Variants in GPC6 observed in about 807,000 individuals in gnomAD.
The protein encoded by GPC6 is glypican-6.
GPC6 carries 14 observed loss-of-function variants against 55.2 expected under a neutral mutation model. The observed-to-expected ratio is 0.25, with a 90% CI of 0.17 to 0.40. The LOEUF is 0.40. Ranked by LOEUF, GPC6 falls within the 10% of genes least tolerant of loss-of-function variation. The probability of loss-of-function intolerance (pLI) is 1.00; values close to 1 mark genes in which losing one functional copy is unlikely to be tolerated. For synonymous variants in GPC6, 278 were observed against 259.6 expected (o/e 1.07, Z -0.68); for missense variants, 641 against 708.5 (o/e 0.90, Z 1.08).
At chr13:94,349,871 T>C (rs1878454906) in intron 6 of GPC6, among the ~76,000 whole-genome samples, 1 of 152,110 alleles carries the variant, frequency 6.6e-6, no homozygotes, top group Non-Finnish European at 1.5e-5. Context: ...TTACCTCCAC[T>C]AGGTGTTAAG....
At chr13:94,024,456 A>C (rs1440502190) in intron 3 of GPC6, among the ~76,000 whole-genome samples, 1 of 152,104 alleles carries the variant, frequency 6.6e-6, no homozygotes, top group Non-Finnish European at 1.5e-5. Context: ...TTCAGTTTGA[A>C]GTGATGATTT....
intron 1 of GPC6, among the ~76,000 whole-genome samples, chr13:93,524,309 T>C (rs900852815): frequency 6.6e-6 from 1 of 151,982 alleles, no homozygotes; most frequent in African/African-American, 2.4e-5. Context: ...AACAGGAGTA[T>C]GCTTCCTAAG....
At chr13:93,254,762 A>G (rs1349871849) in intron 1 of GPC6, among the ~76,000 whole-genome samples, 2 of 152,210 alleles carry the variant, frequency 1.3e-5, no homozygotes, top group South Asian at 2.1e-4. Context: ...AGAAAAATTC[A>G]TCCTTTAAAT....
intron 1 of GPC6, among the ~76,000 whole-genome samples, chr13:93,479,749 C>T (rs1021297484): frequency 6.6e-6 from 1 of 152,030 alleles, no homozygotes; most frequent in Non-Finnish European, 1.5e-5. Flanking sequence ...GATCACTTGC[C>T]GTCAGCAATG....
chr13:94,382,282 C>G (rs966937797), intron 6 of GPC6, 132 bp from the exon 7 acceptor site: 178 of 923,452 alleles, frequency 1.9e-4, no homozygotes, highest in Non-Finnish European at 2.8e-4. Context: ...CAGTGTCTCT[C>G]TCTTAAAACT....
At chr13:93,535,687 A>G (rs78771033) in intron 1 of GPC6, among the ~76,000 whole-genome samples, 2 of 151,080 alleles carry the variant, frequency 1.3e-5, no homozygotes, top group African/African-American at 4.9e-5. Flanking sequence ...TTTTTAGGAA[A>G]AAAAAAAAAA....
intron 2 of GPC6, among the ~76,000 whole-genome samples, chr13:93,576,133 C>T (rs1247950708): frequency 6.6e-6 from 1 of 151,956 alleles, no homozygotes; most frequent in Non-Finnish European, 1.5e-5. Flanking sequence ...ATTGTCTCTT[C>T]TATTTGTTAT....
Position 93,363,351 on chromosome 13 carries a change from T to C in GPC6, c.160+135735T>C, listed in dbSNP as rs529550450. Among the ~76,000 whole-genome samples the C allele has an allele frequency of 5.3e-5, 8 of 151,406 alleles. No homozygotes were observed. In the South Asian group the frequency reaches 1.7e-3, roughly 32 times the overall value. Reference sequence around the variant, plus strand: ...TTCCTGTGTCCATGTGTTCTCATTGTTCAATTCCCACCTATGAGTGAGAAT... The same window carrying C: ...TTCCTGTGTCCATGTGTTCTCATTGCTCAATTCCCACCTATGAGTGAGAAT... On this transcript the variant is annotated intron_variant, in intron 1 of 8. Coordinates refer to ENST00000377047, the MANE Select transcript of GPC6 (RefSeq NM_005708.5).
At chr13:93,942,926 G>A (rs897820610) in intron 3 of GPC6, among the ~76,000 whole-genome samples, 1 of 152,028 alleles carries the variant, frequency 6.6e-6, no homozygotes, top group East Asian at 1.9e-4. Flanking sequence ...AGTTGGGATG[G>A]CCTTGCTCCA....
chr13:93,837,964 A>G (rs1887802527), intron 3 of GPC6, among the ~76,000 whole-genome samples: 2 of 152,214 alleles, frequency 1.3e-5, no homozygotes. Context: ...GTACAAAGCA[A>G]TGATTTGCAG....
intron 4 of GPC6, among the ~76,000 whole-genome samples, chr13:94,194,897 G>C (rs1163294223): frequency 6.6e-6 from 1 of 151,958 alleles, no homozygotes; most frequent in Non-Finnish European, 1.5e-5. Context: ...ATCTGTAGAT[G>C]AGTATATTTA....
chr13:93,698,451 T>C (rs1188638010), intron 2 of GPC6, among the ~76,000 whole-genome samples: 1 of 151,552 alleles, frequency 6.6e-6, no homozygotes, highest in African/African-American at 2.4e-5. Flanking sequence ...ATTTTTATTT[T>C]TGTTTGTTTT....
intron 1 of GPC6, among the ~76,000 whole-genome samples, chr13:93,482,453 C>T (rs1454407283): frequency 6.6e-6 from 1 of 152,068 alleles, no homozygotes; most frequent in Non-Finnish European, 1.5e-5. Flanking sequence ...GTTGTTTCTC[C>T]TATATTTTAC....
At chr13:93,879,956 AT>A (rs1874855025) in intron 3 of GPC6, among the ~76,000 whole-genome samples, 1 of 149,446 alleles carries the variant, frequency 6.7e-6, no homozygotes, top group South Asian at 2.1e-4. Flanking sequence ...CAAAAAACAC[AT>A]GAAAAAATGC....
At position 93,418,754 on chromosome 13, in the gene GPC6, C is replaced by T. The variant is rs147951096; in HGVS notation, c.161-126509C>T. Among the ~76,000 whole-genome samples, 120 of 148,958 alleles carry T rather than the reference C, an allele frequency of 8.1e-4. 2 individuals are homozygous for T. Among genetic ancestry groups the T allele is most frequent in the African/African-American group, 2.6e-3 (103 of 39,322 alleles). On this transcript the variant is annotated intron_variant, in intron 1 of 8. Transcript: ENST00000377047. ...TGTCATTTTATTAATGGCACTATAC[C>T]GTAGCATCACTTTATTAATGGCACT... is the stretch of plus-strand genomic sequence containing the variant.
intron 1 of GPC6, among the ~76,000 whole-genome samples, chr13:93,543,591 A>G (rs1056411685): frequency 3.9e-5 from 6 of 152,134 alleles, no homozygotes; most frequent in Non-Finnish European, 8.8e-5. Flanking sequence ...ATAGTTTCAG[A>G]AGGAATGGTA....
intron 6 of GPC6, among the ~76,000 whole-genome samples, chr13:94,335,674 C>G (rs1204133646): frequency 1.3e-5 from 2 of 152,096 alleles, no homozygotes; most frequent in Non-Finnish European, 2.9e-5. Context: ...AGAAGAAAAC[C>G]AAGACACTTT....
Position 93,538,758 on chromosome 13 carries a change from T to C in GPC6, c.161-6505T>C, listed in dbSNP as rs878869946. 2.0e-5 allele frequency among the ~76,000 whole-genome samples: 3 copies of C among 152,278 alleles called. 1 individual carries two copies. Among genetic ancestry groups the C allele is most frequent in the Admixed American group, 2.0e-4 (3 of 15,296 alleles). ...TCTGGGTGATATTCACAAAACCCTGTATTGGGTACTCTACTGATGAATTTA... is the reference window on the plus strand; with the variant it reads ...TCTGGGTGATATTCACAAAACCCTGCATTGGGTACTCTACTGATGAATTTA... On this transcript the variant is annotated intron_variant, in intron 1 of 8. Transcript: ENST00000377047.
At chr13:93,824,606 A>G (rs184343325) in intron 2 of GPC6, among the ~76,000 whole-genome samples, 34 of 152,258 alleles carry the variant, frequency 2.2e-4, no homozygotes, top group African/African-American at 6.7e-4. Context: ...TTTTTAAACA[A>G]AGGCACAATA....
Sources: allele counts gnomAD v4.1 joint callset (sites outside exome capture counted in the v4.1 genomes callset), GRCh38; gene constraint gnomAD v4.1.1; transcripts MANE v1.5; gene names NCBI Gene and HGNC (gene_info 2026-07-23, HGNC 2026-07-21).